Variants in SAP30 observed in about 807,000 individuals in gnomAD.
SAP30 encodes the protein Sin3A associated protein 30, also known as histone deacetylase complex subunit SAP30.
A neutral mutation model predicts 19.6 loss-of-function variants in SAP30; 13 were observed. The observed-to-expected ratio is 0.66, with a 90% confidence interval of 0.43 to 1.05. SAP30 has a LOEUF of 1.05. SAP30 is among the 50% of genes least tolerant of loss of function. The probability of loss-of-function intolerance (pLI) is 0.00; values close to 1 mark genes in which losing one functional copy is unlikely to be tolerated. For missense variants in SAP30, 257 were observed against 292.1 expected (o/e 0.88, Z 0.88); for synonymous variants, 108 against 122.7 (o/e 0.88, Z 0.79).
intron 3 of SAP30, among the ~76,000 whole-genome samples, chr4:173,376,182 A>G (rs1268370490): frequency 6.6e-6 from 1 of 152,196 alleles, no homozygotes; most frequent in African/African-American, 2.4e-5. Flanking sequence ...ATTTTCTGGA[A>G]TCTAAATATG....
chr4:173,373,446 C>T lies in SAP30; in HGVS notation c.372C>T (p.Asn124=), dbSNP rs1223241702. 1 of 1,612,464 alleles carries T rather than the reference C, an allele frequency of 6.2e-7. No individual in the cohort carries two copies. The highest frequency in any genetic ancestry group is 8.5e-7 in the Non-Finnish European group (1 of 1,179,202). Residue 124 remains asparagine (N), a synonymous_variant, in exon 2 of 4, where the codon AAC becomes AAT. Coordinates refer to ENST00000296504, the MANE Select transcript of SAP30 (RefSeq NM_003864.4). ...YHKNLIQSVR[N]RRKRKGSDDD... ...AAAACTTAATTCAGAGTGTTCGAAACAGAAGAAAGAGAAAAGGGAGTGATG... is the reference window on the plus strand; with the variant it reads ...AAAACTTAATTCAGAGTGTTCGAAATAGAAGAAAGAGAAAAGGGAGTGATG...
Position 173,373,460 on chromosome 4 carries a change from A to T in SAP30, c.386A>T (p.Lys129Ile). Residue 129 changes from lysine (K) to isoleucine (I), a missense_variant, in exon 2 of 4, where the codon AAA (lysine) becomes ATA (isoleucine). Transcript: ENST00000296504. ...IQSVRNRRKR[K>I]GSDDDGGDSP... is the part of the protein sequence containing the mutation. ...AGTGTTCGAAACAGAAGAAAGAGAA[A>T]AGGGAGTGATGATGATGGAGGTGAT... The T allele has an allele frequency of 6.2e-7, 1 of 1,613,418 alleles. No individual in the cohort carries two copies. The highest frequency in any genetic ancestry group is 8.5e-7 in the Non-Finnish European group (1 of 1,179,652).
Position 173,371,069 on chromosome 4 carries a change from G to T in SAP30, c.-114G>T. ...GGCCCGGGACAGTTGGTGTTTGGCC[G>T]TGCCGCTGTCTAACTTGGTGTGCAG... On this transcript the variant is annotated 5_prime_UTR_variant, in exon 1 of 4. Coordinates refer to ENST00000296504, the MANE Select transcript of SAP30 (RefSeq NM_003864.4). The surrounding 1 kb of genome is among the most constrained non-coding windows in gnomAD (Gnocchi z 6.4). The T allele has an allele frequency of 8.1e-7, 1 of 1,227,398 alleles. No individual in the cohort carries two copies. Among genetic ancestry groups the T allele is most frequent in the South Asian group, 1.5e-5 (1 of 68,262 alleles). The allele number at this position is 1,227,398 out of a possible 1,614,324, so 76.0% of individuals were successfully genotyped here.
chr4:173,373,657 A>G, intron 2 of SAP30, 142 bp downstream of exon 2: 4 of 823,952 alleles, frequency 4.9e-6, no homozygotes, highest in Non-Finnish European at 7.3e-6. Context: ...TAGCCAGTTG[A>G]CATGCATTTA....
intron 2 of SAP30, 110 bp from the exon 3 acceptor site, chr4:173,373,829 T>C: frequency 5.3e-6 from 2 of 375,502 alleles, no homozygotes; most frequent in Non-Finnish European, 8.4e-6. Context: ...TTTTTTGATT[T>C]TGGAAGTAAA....
In SAP30 at chr4:173,373,962, A is replaced by T; in HGVS notation, c.465A>T (p.Val155=). Reference sequence around the variant, plus strand: ...AGGTTGATTTATACCAATTACAAGTAAATACACTTAGGAGATACAAAAGAC... The same window carrying T: ...AGGTTGATTTATACCAATTACAAGTTAATACACTTAGGAGATACAAAAGAC... ...TPEVDLYQLQ[V]NTLRRYKRHF... is the part of the protein sequence containing the mutation. Residue 155 remains valine (V), a synonymous_variant, in exon 3 of 4, where the codon GTA becomes GTT. Coordinates refer to ENST00000296504, the MANE Select transcript of SAP30 (RefSeq NM_003864.4). 1 of 1,581,812 alleles carries T rather than the reference A, an allele frequency of 6.3e-7. No homozygotes were observed. Among genetic ancestry groups the T allele is most frequent in the Non-Finnish European group, 8.6e-7 (1 of 1,161,638 alleles).
At position 173,371,807 on chromosome 4, in the gene SAP30, G is replaced by A. The variant is rs10032507; in HGVS notation, c.315+310G>A. 6.8e-3 allele frequency among the ~76,000 whole-genome samples: 1,032 copies of A among 152,290 alleles called. 15 individuals are homozygous for A. Among genetic ancestry groups the A allele is most frequent in the African/African-American group, 0.023 (949 of 41,562 alleles). On this transcript the variant is annotated intron_variant, in intron 1 of 3. Transcript: ENST00000296504. This position sits in a 1 kb window ranked among gnomAD's most constrained non-coding sequence, Gnocchi z 6.4. ...TCTGCGACCGGGACACGAAACAAAG[G>A]GGACCGGCGCACTGAGGGCCCAGAG...
At chr4:173,374,161 T>C (rs1333049025) in intron 3 of SAP30, 124 bp downstream of exon 3, 2 of 520,090 alleles carry the variant, frequency 3.8e-6, no homozygotes, top group African/African-American at 3.9e-5. Context: ...AGTTAAAAAA[T>C]CTGTTGTGGA....
At position 173,371,353 on chromosome 4, in the gene SAP30, G is replaced by A. The variant is rs1738927868; in HGVS notation, c.171G>A (p.Gly57=). The A allele has an allele frequency of 6.7e-6, 10 of 1,485,850 alleles. No homozygotes were observed. Among genetic ancestry groups the A allele is most frequent in the Non-Finnish European group, 8.9e-6 (10 of 1,127,856 alleles). 92.0% of individuals were successfully genotyped at this position (1,485,850 alleles called of 1,614,324 possible). Reference sequence around the variant, plus strand: ...CGGTCTCAGCGGCTGGGCCCCCGGGGGCGGCCGGGCCGGGCCCCGGGCAAC... The same window carrying A: ...CGGTCTCAGCGGCTGGGCCCCCGGGAGCGGCCGGGCCGGGCCCCGGGCAAC... ...AGAVSAAGPP[G]AAGPGPGQLC... The change falls in exon 1 of 4, where the codon GGG becomes GGA. Residue 57 remains glycine (G), a synonymous_variant. Transcript: ENST00000296504. This position sits in a 1 kb window ranked among gnomAD's most constrained non-coding sequence, Gnocchi z 6.4.
In SAP30 at chr4:173,371,821, G is replaced by A. The variant is rs1362196625; in HGVS notation, c.315+324G>A. Among the ~76,000 whole-genome samples, 1 of 152,196 alleles carries A rather than the reference G, an allele frequency of 6.6e-6. No homozygotes were observed. The highest frequency in any genetic ancestry group is 1.5e-5 in the Non-Finnish European group (1 of 68,040). On this transcript the variant is annotated intron_variant, in intron 1 of 3. Coordinates refer to ENST00000296504, the MANE Select transcript of SAP30 (RefSeq NM_003864.4). The surrounding 1 kb of genome is among the most constrained non-coding windows in gnomAD (Gnocchi z 6.4). ...ACGAAACAAAGGGGACCGGCGCACT[G>A]AGGGCCCAGAGTAGTTTTCTTGCAG...
rs981018478 is a variant in SAP30, at chr4:173,371,580, G to C, written c.315+83G>C. 2 of 1,517,596 alleles carry C rather than the reference G, an allele frequency of 1.3e-6. No individual in the cohort carries two copies. Among genetic ancestry groups the C allele is most frequent in the African/African-American group, 2.8e-5 (2 of 70,718 alleles). The allele number at this position is 1,517,596 out of a possible 1,614,324, so 94.0% of individuals were successfully genotyped here. Reference sequence around the variant, plus strand: ...GGGCAAAGGCACGGGTTGTCGGCGGGGTCCCCCAGACAACCGCACTGGCTG... The same window carrying C: ...GGGCAAAGGCACGGGTTGTCGGCGGCGTCCCCCAGACAACCGCACTGGCTG... On this transcript the variant is annotated intron_variant, in intron 1 of 3. Transcript: ENST00000296504. The surrounding 1 kb of genome is among the most constrained non-coding windows in gnomAD (Gnocchi z 6.4).
Position 173,373,922 on chromosome 4 carries a change from A to C in SAP30, c.442-17A>C. On this transcript the variant is annotated splice_polypyrimidine_tract_variant and intron_variant, in intron 2 of 3. Coordinates refer to ENST00000296504, the MANE Select transcript of SAP30 (RefSeq NM_003864.4). ...ACAAATTGTATGAACTCATTTATAC[A>C]TGTTAATTTTTTCTAGGTTGATTTA... 1 of 1,270,800 alleles carries C rather than the reference A, an allele frequency of 7.9e-7. No individual in the cohort carries two copies. Among genetic ancestry groups the C allele is most frequent in the Non-Finnish European group, 1.1e-6 (1 of 894,968 alleles). 78.7% of individuals were successfully genotyped at this position (1,270,800 alleles called of 1,614,324 possible). A position where few individuals can be genotyped will look rare whatever the true frequency, so the allele number is the denominator to read the frequency against.
chr4:173,375,657 A>G (rs1486904283), intron 3 of SAP30, among the ~76,000 whole-genome samples: 1 of 152,238 alleles, frequency 6.6e-6, no homozygotes, highest in African/African-American at 2.4e-5. Context: ...TTTTTTATAC[A>G]TAAGAGATAG....
intron 1 of SAP30, among the ~76,000 whole-genome samples, chr4:173,372,312 A>G (rs1738955989): frequency 1.3e-5 from 2 of 152,232 alleles, no homozygotes; most frequent in Non-Finnish European, 2.9e-5. Flanking sequence ...AAGTAAATGT[A>G]AAAGCCTGTT....
intron 3 of SAP30, 145 bp from the exon 4 acceptor site, chr4:173,377,060 T>C (rs1739057761): frequency 3.8e-6 from 2 of 527,904 alleles, no homozygotes; most frequent in African/African-American, 4.0e-5. Context: ...TTCTGTCTTG[T>C]TGATATTTTG....
chr4:173,373,427 T>G lies in SAP30; in HGVS notation c.353T>G (p.Leu118Ter). ...TACATATGTGATTATCATAAAAACTTAATTCAGAGTGTTCGAAACAGAAGA... is the reference window on the plus strand; with the variant it reads ...TACATATGTGATTATCATAAAAACTGAATTCAGAGTGTTCGAAACAGAAGA... The part of the protein sequence containing the change: ...HLYICDYHKN[L>*]IQSVRNRRKR... The change falls in exon 2 of 4, where the codon TTA becomes TGA. Residue 118 changes from leucine (L) to a stop codon, truncating the protein, a stop_gained. Transcript: ENST00000296504. LOFTEE classifies it high-confidence loss of function. The G allele has an allele frequency of 6.2e-7, 1 of 1,611,894 alleles. No homozygotes were observed. The highest frequency in any genetic ancestry group is 8.5e-7 in the Non-Finnish European group (1 of 1,179,176).
intron 3 of SAP30, among the ~76,000 whole-genome samples, chr4:173,375,594 T>A (rs1192358205): frequency 6.6e-6 from 1 of 152,206 alleles, no homozygotes; most frequent in East Asian, 1.9e-4. Flanking sequence ...AACCTGTAAT[T>A]TTTGATAAAC....
Position 173,371,244 on chromosome 4 carries a change from C to T in SAP30, c.62C>T (p.Ala21Val), listed in dbSNP as rs1216814236. 5.3e-5 allele frequency: 74 copies of T among 1,389,428 alleles called. No individual in the cohort carries two copies. The highest frequency in any genetic ancestry group is 6.6e-5 in the Non-Finnish European group (71 of 1,073,458). 86.1% of individuals were successfully genotyped at this position (1,389,428 alleles called of 1,614,324 possible). Residue 21 changes from alanine (A) to valine (V), a missense_variant, in exon 1 of 4, where the codon GCA becomes GTA. Transcript: ENST00000296504. This position sits in a 1 kb window ranked among gnomAD's most constrained non-coding sequence, Gnocchi z 6.4. ...GGGGATGCGGCCGCCGCAGTGGCCG[C>T]AGTGGTCGCTGCCGCGGCCGCCGCC... ...RGGDAAAAVA[A>V]VVAAAAAAAS...
At chr4:173,376,112 A>G (rs1739034074) in intron 3 of SAP30, among the ~76,000 whole-genome samples, 2 of 152,222 alleles carry the variant, frequency 1.3e-5, no homozygotes, top group Non-Finnish European at 2.9e-5. Flanking sequence ...CCAGGGTTGT[A>G]TGACTAAGTC....
Sources: gnomAD v4.1 joint callset for allele counts (sites outside exome capture counted in the v4.1 genomes callset) on GRCh38, gnomAD v4.1.1 for gene constraint, Gnocchi (gnomAD v3.1) non-coding constraint, MANE v1.5 for transcripts, NCBI Gene and HGNC (gene_info 2026-07-23, HGNC 2026-07-21) for gene names.